The following RANBP2 variants were observed in gnomAD, a reference collection of about 807,000 sequenced individuals.
RANBP2 encodes E3 SUMO-protein ligase RanBP2.
Under a neutral mutation model 303.6 loss-of-function variants are expected in RANBP2, and 57 were observed. The ratio of observed to expected loss-of-function variants is 0.19; its 90% CI spans 0.15 to 0.23. The LOEUF (loss-of-function observed/expected upper bound fraction) is 0.23. RANBP2 is among the 10% of genes least tolerant of loss of function. The probability of loss-of-function intolerance (pLI) is 1.00; values close to 1 mark genes in which losing one functional copy is unlikely to be tolerated. For synonymous variants in RANBP2, 1,167 were observed against 1,301.5 expected (o/e 0.90, Z 2.23); for missense variants, 3,138 against 3,780.8 (o/e 0.83, Z 4.46).
the RANBP2 span, among the ~76,000 whole-genome samples, chr2:109,670,460 G>T: frequency 6.6e-6 from 1 of 151,862 alleles, no homozygotes; most frequent in Non-Finnish European, 1.5e-5. Flanking sequence ...GGGCACAACT[G>T]CCCGAGGCAG....
chr2:108,909,868 G>C, the RANBP2 span, among the ~76,000 whole-genome samples: 1 of 152,210 alleles, frequency 6.6e-6, no homozygotes, highest in Non-Finnish European at 1.5e-5. Flanking sequence ...GCCTGGACTC[G>C]GACCCCAGCC....
chr2:108,991,680 T>C, the RANBP2 span, among the ~76,000 whole-genome samples: 11 of 152,330 alleles, frequency 7.2e-5, no homozygotes, highest in Admixed American at 1.3e-4. Flanking sequence ...CAAGTGATTT[T>C]AGAGAGTCAA....
chr2:109,277,424 G>A, the RANBP2 span, among the ~76,000 whole-genome samples: 4 of 152,158 alleles, frequency 2.6e-5, no homozygotes, highest in East Asian at 1.9e-4. Flanking sequence ...CAATTACTAC[G>A]ACTGTATAAT....
rs770043377 is a variant in RANBP2, at chr2:108,768,387, G to A, written c.7848G>A (p.Lys2616=). The change falls in exon 20 of 29, where the codon AAG becomes AAA. Residue 2616 remains lysine, a splice_region_variant and synonymous_variant. Coordinates refer to ENST00000283195, the MANE Select transcript of RANBP2 (RefSeq NM_006267.5). ...ACTACACATTTAAAACACCAGAAAA[G>A]GGTAAGTACTTTGTTGTTAAAGTTA... ...SINYTFKTPE[K]AKEKKKPEDS... is the part of the protein sequence containing the mutation. 1 of 1,611,038 alleles carries A rather than the reference G, an allele frequency of 6.2e-7. No homozygotes were observed. Among genetic ancestry groups the A allele is most frequent in the Non-Finnish European group, 8.5e-7 (1 of 1,179,830 alleles).
At chr2:109,588,646 AC>A in the RANBP2 span, among the ~76,000 whole-genome samples, 2 of 151,796 alleles carry the variant, frequency 1.3e-5, no homozygotes, top group Non-Finnish European at 2.9e-5. Flanking sequence ...GGCGCCCACC[AC>A]GCCTGGCTAA....
At chr2:109,367,383 G>A in the RANBP2 span, among the ~76,000 whole-genome samples, 1 of 152,182 alleles carries the variant, frequency 6.6e-6, no homozygotes, top group Non-Finnish European at 1.5e-5. Context: ...CTGGGTTCAA[G>A]CAATTCTCCT....
chr2:108,789,008 T>G (rs1013576556), downstream of RANBP2: 2 of 1,605,764 alleles, frequency 1.2e-6, no homozygotes, highest in African/African-American at 2.7e-5. Context: ...CCCCTCAGTA[T>G]CTCAAAAAAC....
the RANBP2 span, among the ~76,000 whole-genome samples, chr2:108,833,553 T>C: frequency 1.3e-5 from 2 of 152,212 alleles, no homozygotes; most frequent in African/African-American, 4.8e-5. Flanking sequence ...GGAATGTTTA[T>C]AGTCCATGAC....
chr2:109,469,840 T>A, the RANBP2 span, among the ~76,000 whole-genome samples: 1 of 152,230 alleles, frequency 6.6e-6, no homozygotes, highest in South Asian at 2.1e-4. Flanking sequence ...CCGTTGGTTA[T>A]GTGTGCAGCT....
the RANBP2 span, among the ~76,000 whole-genome samples, chr2:108,975,058 G>A: frequency 6.6e-6 from 1 of 152,184 alleles, no homozygotes; most frequent in African/African-American, 2.4e-5. Context: ...GCCCCATTGT[G>A]GAATCTGCTT....
the RANBP2 span, among the ~76,000 whole-genome samples, chr2:109,740,027 G>A: frequency 7.5e-5 from 11 of 146,326 alleles, no homozygotes; most frequent in South Asian, 2.2e-4. Context: ...TCACTCTGTC[G>A]CCAGGCTGGA....
the RANBP2 span, among the ~76,000 whole-genome samples, chr2:109,523,847 G>T: frequency 4.6e-5 from 7 of 152,182 alleles, no homozygotes; most frequent in African/African-American, 1.7e-4. Context: ...AGCCTGCGAC[G>T]GTCTCCCTCT....
the RANBP2 span, among the ~76,000 whole-genome samples, chr2:109,714,254 T>TTGTGTG: frequency 1.2e-4 from 18 of 149,532 alleles, no homozygotes; most frequent in East Asian, 1.4e-3. Flanking sequence ...CCTGGCTAAT[T>TTGTGTG]TGTGTGTGTG....
At chr2:109,288,815 C>CTTTTTTTTTTTT in the RANBP2 span, among the ~76,000 whole-genome samples, 1 of 152,254 alleles carries the variant, frequency 6.6e-6, no homozygotes, top group African/African-American at 2.4e-5. Flanking sequence ...AAATCACTTT[C>CTTTTTTTTTTTT]TTATTTAGTA....
chr2:109,295,658 G>A, the RANBP2 span, among the ~76,000 whole-genome samples: 1 of 147,614 alleles, frequency 6.8e-6, no homozygotes, highest in Non-Finnish European at 1.5e-5. Flanking sequence ...ACAGGACAGG[G>A]GCCTGCTGCC....
At chr2:109,156,645 C>G in the RANBP2 span, among the ~76,000 whole-genome samples, 1 of 152,108 alleles carries the variant, frequency 6.6e-6, no homozygotes, top group Non-Finnish European at 1.5e-5. Flanking sequence ...GGGGTTTCAC[C>G]ATGTTGGCCA....
the RANBP2 span, among the ~76,000 whole-genome samples, chr2:108,854,015 ATAATAAATTTATATTAT>A: frequency 8.7e-6 from 1 of 115,328 alleles, no homozygotes; most frequent in Non-Finnish European, 1.7e-5. Context: ...TATATAATAT[ATAATAAATTTATATTAT>A]ATATAATATA....
chr2:109,278,495 C>T, the RANBP2 span, among the ~76,000 whole-genome samples: 1 of 152,200 alleles, frequency 6.6e-6, no homozygotes, highest in African/African-American at 2.4e-5. Context: ...GATGATGAGG[C>T]ACAAGGATTC....
At chr2:109,250,411 G>A in the RANBP2 span, among the ~76,000 whole-genome samples, 4 of 151,800 alleles carry the variant, frequency 2.6e-5, no homozygotes, top group East Asian at 1.9e-4. Context: ...ATACAACTTC[G>A]TTTCTTCATG....
Sources: gnomAD v4.1 joint callset for allele counts (sites outside exome capture counted in the v4.1 genomes callset) on GRCh38, gnomAD v4.1.1 for gene constraint, MANE v1.5 for transcripts, NCBI Gene and HGNC (gene_info 2026-07-23, HGNC 2026-07-21) for gene names.